The following SERPINB6 variants were observed in gnomAD, a reference collection of about 807,000 sequenced individuals.
SERPINB6 encodes serpin B6.
SERPINB6 carries 16 observed loss-of-function variants against 26.1 expected under a neutral mutation model. That is an observed-to-expected ratio of 0.61 (90% confidence interval 0.42 to 0.93). The LOEUF (loss-of-function observed/expected upper bound fraction) is 0.93, where lower values mean the gene tolerates loss of function less well. Ranked by LOEUF, SERPINB6 falls within the 40% of genes least tolerant of loss-of-function variation. The pLI is 0.00. For missense variants in SERPINB6, 420 were observed against 478.0 expected (o/e 0.88, Z 1.13); for synonymous variants, 174 against 176.6 (o/e 0.99, Z 0.11).
Position 2,948,994 on chromosome 6 carries a change from G to C in SERPINB6, c.649C>G (p.Gln217Glu). 6.2e-7 allele frequency: 1 copy of C among 1,614,180 alleles called. No individual in the cohort carries two copies. Among genetic ancestry groups the C allele is most frequent in the Non-Finnish European group, 8.5e-7 (1 of 1,180,030 alleles). ...KKTYIGEIFT[Q>E]ILVLPYVGKE... is the part of the protein sequence containing the mutation. ...CCAACATATGGAAGCACCAAGATTTGGGTAAATATTTCTCCTATATAGGTC... is the reference window on the plus strand; with the variant it reads ...CCAACATATGGAAGCACCAAGATTTCGGTAAATATTTCTCCTATATAGGTC... Residue 217 changes from glutamine (Q) to glutamate (E), a missense_variant, in exon 6 of 7, where the codon CAA (glutamine) becomes GAA (glutamate). Transcript: ENST00000380539. The surrounding 1 kb of genome is among the most constrained non-coding windows in gnomAD (Gnocchi z 5.0).
intron 1 of SERPINB6, chr6:2,971,310 G>T: frequency 2.2e-6 from 1 of 454,962 alleles, no homozygotes; most frequent in Non-Finnish European, 2.9e-6. Context: ...CCGGACGCTC[G>T]CCCGGGCCCC....
At chr6:2,966,520 G>T in intron 1 of SERPINB6, 1 of 491,378 alleles carries the variant, frequency 2.0e-6, no homozygotes, top group Non-Finnish European at 2.6e-6. Context: ...TGTTAGGTCA[G>T]TGGCAGCGTT....
chr6:2,948,404 C>G lies in SERPINB6; in HGVS notation c.1025G>C (p.Cys342Ser). 6.2e-7 allele frequency: 1 copy of G among 1,614,206 alleles called. No homozygotes were observed. Among genetic ancestry groups the G allele is most frequent in the Non-Finnish European group, 8.5e-7 (1 of 1,180,028 alleles). ...AATAAIMMMR[C>S]ARFVPRFCAD... Reference sequence around the variant, plus strand: ...GCAGAAGCGGGGGACGAATCTGGCACACCGCATCATCATGATGGCAGCTGT... The same window carrying G: ...GCAGAAGCGGGGGACGAATCTGGCAGACCGCATCATCATGATGGCAGCTGT... Residue 342 changes from cysteine to serine, a missense_variant, in exon 7 of 7, where the codon TGT becomes TCT. Coordinates refer to ENST00000380539, the MANE Select transcript of SERPINB6 (RefSeq NM_004568.6). This position sits in a 1 kb window ranked among gnomAD's most constrained non-coding sequence, Gnocchi z 5.0.
upstream of SERPINB6, chr6:2,971,629 C>G (rs899620273): frequency 9.2e-5 from 14 of 152,104 alleles, no homozygotes; most frequent in African/African-American, 3.4e-4. Context: ...AGTCCCGGGT[C>G]TCGAGCTACC....
intron 2 of SERPINB6, chr6:2,957,118 C>T: frequency 6.5e-6 from 1 of 153,272 alleles, no homozygotes; most frequent in Non-Finnish European, 1.5e-5. Flanking sequence ...CTGGCAGAGG[C>T]TGGACGGACA....
Position 2,949,213 on chromosome 6 carries a change from T to G in SERPINB6, c.574-144A>C, listed in dbSNP as rs192928381. On this transcript the variant is annotated intron_variant, in intron 5 of 6. Coordinates refer to ENST00000380539, the MANE Select transcript of SERPINB6 (RefSeq NM_004568.6). The stretch of plus-strand genomic sequence containing the variant: ...CCAGAACACCCGGCAGCGCCTGCTC[T>G]GCCATCTTCATTACCTCAACCTCCA... 283 of 901,878 alleles carry G rather than the reference T, an allele frequency of 3.1e-4. No homozygotes were observed. In the African/African-American group the frequency reaches 4.1e-3, roughly 13 times the overall value. 55.9% of individuals were successfully genotyped at this position (901,878 alleles called of 1,614,324 possible).
chr6:2,969,289 G>C, intron 1 of SERPINB6: 1 of 985,442 alleles, frequency 1.0e-6, no homozygotes, highest in African/African-American at 1.7e-5. Context: ...CCTGTCAATG[G>C]CTTTTTAAGG....
intron 1 of SERPINB6, among the ~76,000 whole-genome samples, chr6:2,964,741 C>T (rs1561688827): frequency 6.6e-6 from 1 of 152,178 alleles, no homozygotes; most frequent in Non-Finnish European, 1.5e-5. Context: ...ACTTCCAAAC[C>T]CTTTGCTCTT....
rs770640094 is a variant in SERPINB6 at position 2,954,576 on chromosome 6, A to T, written c.430+16T>A. 2 of 1,567,476 alleles carry T rather than the reference A, an allele frequency of 1.3e-6. No individual in the cohort carries two copies. The highest frequency in any genetic ancestry group is 2.7e-5 in the African/African-American group (2 of 73,968). ...TAAGAGGTTATTACAAAAGTAGAAT[A>T]ACAATACATTTTCACCTTCTGTCTT... On this transcript the variant is annotated intron_variant, in intron 4 of 6. Transcript: ENST00000380539.
chr6:2,959,197 T>C lies in SERPINB6; in HGVS notation c.136A>G (p.Lys46Glu), dbSNP rs1256116221. 6.2e-7 allele frequency: 1 copy of C among 1,614,192 alleles called. No homozygotes were observed. The change falls in exon 2 of 7, where the codon AAG (lysine) becomes GAG (glutamate). Residue 46 changes from lysine (K) to glutamate (E), a missense_variant. By Grantham distance (56) the Lys-to-Glu change is moderately conservative. Coordinates refer to ENST00000380539, the MANE Select transcript of SERPINB6 (RefSeq NM_004568.6). ...CALAMVYMGA[K>E]GNTAAQMAQI... ...GCCATCTGTGCAGCGGTGTTTCCCT[T>C]TGCCCCCATGTAGACCATGGCCAGG...
chr6:2,968,654 G>A, intron 1 of SERPINB6: 1 of 1,225,138 alleles, frequency 8.2e-7, no homozygotes, highest in Non-Finnish European at 1.0e-6. Flanking sequence ...TATGGTGGCT[G>A]GTGTTTGCTT....
intron 2 of SERPINB6, among the ~76,000 whole-genome samples, chr6:2,958,860 C>T (rs1200256487): frequency 1.3e-5 from 2 of 152,078 alleles, no homozygotes; most frequent in Non-Finnish European, 2.9e-5. Context: ...ACCCAAAGAT[C>T]ATCACAGGAC....
chr6:2,970,057 CAAA>C (rs754952384), intron 1 of SERPINB6: 734 of 798,730 alleles, frequency 9.2e-4, no homozygotes, highest in Non-Finnish European at 9.4e-4. Context: ...TCCAGCCTGG[CAAA>C]AAAAAAAAAA....
Position 2,967,150 on chromosome 6 carries a change from G to A in SERPINB6, c.-11+4383C>T. 1.0e-6 allele frequency: 1 copy of A among 985,228 alleles called. No individual in the cohort carries two copies. The highest frequency in any genetic ancestry group is 4.7e-5 in the South Asian group (1 of 21,280). 61.0% of individuals were successfully genotyped at this position (985,228 alleles called of 1,614,324 possible). ...TCACCCCAAAGGTGACCAGTGCAGA[G>A]CTCCAGCCACCCAGACTCCTCGAGT... On this transcript the variant is annotated intron_variant, in intron 1 of 6. Transcript: ENST00000380539. The surrounding 1 kb of genome is among the most constrained non-coding windows in gnomAD (Gnocchi z 4.3).
chr6:2,955,217 C>CA, intron 3 of SERPINB6: 1 of 302,096 alleles, frequency 3.3e-6, no homozygotes, highest in Non-Finnish European at 6.1e-6. Context: ...AAAAAAAAAG[C>CA]AAAAAACACT....
chr6:2,955,620 G>C lies in SERPINB6; in HGVS notation c.216C>G (p.Phe72Leu). ...SGGGGDIHQGFQSLLTEVNKT... is the reference protein window; with the variant it reads ...SGGGGDIHQGLQSLLTEVNKT... ...TGTTCACTTCGGTGAGAAGAGACTG[G>C]AAGCCCTGGTGGATGTCTCCACCAC... The change falls in exon 3 of 7, where the codon TTC (phenylalanine) becomes TTG (leucine). Residue 72 changes from phenylalanine (F) to leucine (L), a missense_variant. Coordinates refer to ENST00000380539, the MANE Select transcript of SERPINB6 (RefSeq NM_004568.6). The C allele has an allele frequency of 6.2e-7, 1 of 1,614,190 alleles. No individual in the cohort carries two copies.
chr6:2,948,813 T>C lies in SERPINB6; in HGVS notation c.729+101A>G. The C allele has an allele frequency of 6.3e-7, 1 of 1,575,400 alleles. No individual in the cohort carries two copies. Among genetic ancestry groups the C allele is most frequent in the Non-Finnish European group, 8.7e-7 (1 of 1,147,236 alleles). ...GCAGCGTGGCTATGGTCAGCAGCGCTCCAGTGTTAAACGGCTGACCGCAAA... is the reference window on the plus strand; with the variant it reads ...GCAGCGTGGCTATGGTCAGCAGCGCCCCAGTGTTAAACGGCTGACCGCAAA... On this transcript the variant is annotated intron_variant, in intron 6 of 6. Coordinates refer to ENST00000380539, the MANE Select transcript of SERPINB6 (RefSeq NM_004568.6). This position sits in a 1 kb window ranked among gnomAD's most constrained non-coding sequence, Gnocchi z 5.0.
intron 2 of SERPINB6, chr6:2,957,999 C>T (rs918466062): frequency 2.0e-5 from 3 of 152,426 alleles, no homozygotes; most frequent in Admixed American, 6.5e-5. Flanking sequence ...GTGCCTCCCA[C>T]GCCTACTGTG....
rs181821647 is a variant in SERPINB6 at position 2,965,764 on chromosome 6, C to T, written c.-11+5769G>A. 4.5e-4 allele frequency among the ~76,000 whole-genome samples: 69 copies of T among 152,312 alleles called. No individual in the cohort carries two copies. The East Asian group carries it at 6.7e-3, about 15-fold the overall frequency. On this transcript the variant is annotated intron_variant, in intron 1 of 6. Coordinates refer to ENST00000380539, the MANE Select transcript of SERPINB6 (RefSeq NM_004568.6). ...TTCCTATTCCTTTCCTAAGGTAACACTAATGCTTATTTTAACAGTTTCCTA... is the reference window on the plus strand; with the variant it reads ...TTCCTATTCCTTTCCTAAGGTAACATTAATGCTTATTTTAACAGTTTCCTA...
Sources: gnomAD v4.1 joint callset for allele counts (sites outside exome capture counted in the v4.1 genomes callset) on GRCh38, gnomAD v4.1.1 for gene constraint, Gnocchi (gnomAD v3.1) non-coding constraint, MANE v1.5 for transcripts, NCBI Gene and HGNC (gene_info 2026-07-23, HGNC 2026-07-21) for gene names.